FAM3C: variants seen among roughly 807,000 people sequenced by gnomAD.
FAM3C encodes the protein FAM3 metabolism regulating signaling molecule C.
FAM3C carries 15 observed loss-of-function variants against 32.5 expected under a neutral mutation model. The ratio of observed to expected loss-of-function variants is 0.46; its 90% CI spans 0.31 to 0.71. FAM3C has a LOEUF of 0.71. Ranked by LOEUF, FAM3C falls within the 30% of genes least tolerant of loss-of-function variation. The pLI, the probability that FAM3C is intolerant of heterozygous loss-of-function variation, is 0.05. For synonymous variants in FAM3C, 75 were observed against 86.1 expected (o/e 0.87, Z 0.72); for missense variants, 175 against 274.4 (o/e 0.64, Z 2.56).
At chr7:121,374,576 A>G (rs1404468750) in intron 3 of FAM3C, among the ~76,000 whole-genome samples, 1 of 152,200 alleles carries the variant, frequency 6.6e-6, no homozygotes, top group Admixed American at 6.5e-5. Flanking sequence ...CCTTTCATAT[A>G]CTAAGATGTT....
At chr7:121,351,109 G>A (rs1239649856) in intron 9 of FAM3C, 34 bp downstream of exon 9, 1 of 1,590,082 alleles carries the variant, frequency 6.3e-7, no homozygotes, top group Non-Finnish European at 8.6e-7. Context: ...CACAGAATTT[G>A]TTTTTGTTAA....
intron 8 of FAM3C, among the ~76,000 whole-genome samples, chr7:121,354,566 C>A (rs1310079422): frequency 6.6e-6 from 1 of 152,104 alleles, no homozygotes; most frequent in Admixed American, 6.6e-5. Flanking sequence ...CACCATCAAA[C>A]CAAGCCAATG....
chr7:121,373,128 G>T (rs1023907754), intron 3 of FAM3C, among the ~76,000 whole-genome samples: 82 of 152,066 alleles, frequency 5.4e-4, no homozygotes, highest in African/African-American at 1.6e-3. Context: ...ACTTTACTGG[G>T]ATATAATTTT....
At chr7:121,372,253 A>G in intron 3 of FAM3C, 114 bp from the exon 4 acceptor site, 1 of 637,860 alleles carries the variant, frequency 1.6e-6, no homozygotes, top group South Asian at 2.2e-5. Flanking sequence ...TCAGTATACA[A>G]TAAAACATGA....
chr7:121,386,050 C>A (rs757085050), intron 1 of FAM3C, among the ~76,000 whole-genome samples: 2 of 152,176 alleles, frequency 1.3e-5, no homozygotes, highest in Non-Finnish European at 2.9e-5. Flanking sequence ...TCATGCCAAT[C>A]AACTTGGCTT....
intron 8 of FAM3C, among the ~76,000 whole-genome samples, chr7:121,358,547 T>C (rs1793856560): frequency 1.3e-5 from 2 of 151,946 alleles, no homozygotes; most frequent in African/African-American, 2.4e-5. Flanking sequence ...ATAATTGAAA[T>C]AGTGTCTTTT....
At chr7:121,362,070 G>A (rs1202518967) in intron 7 of FAM3C, among the ~76,000 whole-genome samples, 2 of 152,170 alleles carry the variant, frequency 1.3e-5, no homozygotes, top group African/African-American at 2.4e-5. Flanking sequence ...ATAGCTGTTG[G>A]CTTCTAGGGA....
At chr7:121,378,144 A>G (rs563706760) in intron 3 of FAM3C, among the ~76,000 whole-genome samples, 2 of 152,378 alleles carry the variant, frequency 1.3e-5, no homozygotes, top group African/African-American at 2.4e-5. Context: ...AGCACTATGT[A>G]TAACTGGTTC....
At chr7:121,352,086 G>C (rs745478464) in intron 8 of FAM3C, among the ~76,000 whole-genome samples, 2 of 152,144 alleles carry the variant, frequency 1.3e-5, no homozygotes, top group Admixed American at 6.5e-5. Context: ...TATATACTGC[G>C]CAAAAGACAG....
At position 121,350,426 on chromosome 7, in the gene FAM3C, A is replaced by G; in HGVS notation, c.*35T>C. 1.2e-6 allele frequency: 2 copies of G among 1,610,264 alleles called. No individual in the cohort carries two copies. The highest frequency in any genetic ancestry group is 1.7e-6 in the Non-Finnish European group (2 of 1,178,736). On this transcript the variant is annotated 3_prime_UTR_variant, in exon 10 of 10. Transcript: ENST00000359943. ...ATTTATAGCTCTCCCATTAAGAGTG[A>G]AAGTGCGCTTTCTTCAATTCTCTCC... is the stretch of plus-strand genomic sequence containing the variant.
chr7:121,351,469 T>C, intron 8 of FAM3C, 200 bp from the exon 9 acceptor site: 3 of 495,508 alleles, frequency 6.1e-6, no homozygotes. Flanking sequence ...CAACAATTAA[T>C]TTTAAGTTTA....
intron 2 of FAM3C, among the ~76,000 whole-genome samples, 153 bp from the exon 3 acceptor site, chr7:121,379,167 TACAA>T (rs1794300614): frequency 6.6e-6 from 1 of 152,172 alleles, no homozygotes; most frequent in African/African-American, 2.4e-5. Flanking sequence ...ATAAAAATTA[TACAA>T]ACAATTCATC....
At chr7:121,391,061 A>G (rs1200267769) in intron 1 of FAM3C, among the ~76,000 whole-genome samples, 1 of 152,154 alleles carries the variant, frequency 6.6e-6, no homozygotes. Flanking sequence ...GTTAAACCAG[A>G]GTACTAGATT....
At chr7:121,389,648 A>T (rs1794537306) in intron 1 of FAM3C, among the ~76,000 whole-genome samples, 1 of 152,012 alleles carries the variant, frequency 6.6e-6, no homozygotes, top group South Asian at 2.1e-4. Flanking sequence ...TACCCCAAAT[A>T]TTGCCATTAC....
intron 7 of FAM3C, among the ~76,000 whole-genome samples, chr7:121,361,461 TA>T (rs2116889378): frequency 6.6e-6 from 1 of 152,324 alleles, no homozygotes; most frequent in East Asian, 1.9e-4. Flanking sequence ...TAGCGGTAAT[TA>T]ATCTACCTGT....
chr7:121,386,766 A>G (rs1332267680), intron 1 of FAM3C, among the ~76,000 whole-genome samples: 1 of 151,702 alleles, frequency 6.6e-6, no homozygotes. Context: ...CCCCTCAAGA[A>G]CAGAATGTAA....
Position 121,351,284 on chromosome 7 carries a change from G to A in FAM3C, c.468-15C>T, listed in dbSNP as rs758531201. 6.2e-7 allele frequency: 1 copy of A among 1,611,694 alleles called. No individual in the cohort carries two copies. Among genetic ancestry groups the A allele is most frequent in the Non-Finnish European group, 8.5e-7 (1 of 1,178,672 alleles). ...CATCATTGAGTCTTGAAGAGGGAGAGAAAGAATACAACAATAAACAGAGGG... is the reference window on the plus strand; with the variant it reads ...CATCATTGAGTCTTGAAGAGGGAGAAAAAGAATACAACAATAAACAGAGGG... On this transcript the variant is annotated splice_polypyrimidine_tract_variant and intron_variant, in intron 8 of 9. Coordinates refer to ENST00000359943, the MANE Select transcript of FAM3C (RefSeq NM_014888.3).
chr7:121,386,927 T>C (rs1006057048), intron 1 of FAM3C, among the ~76,000 whole-genome samples: 1 of 151,890 alleles, frequency 6.6e-6, no homozygotes, highest in Non-Finnish European at 1.5e-5. Flanking sequence ...TTTTAAAAAA[T>C]ACTGTGTTTG....
At chr7:121,377,163 C>T (rs1282639474) in intron 3 of FAM3C, among the ~76,000 whole-genome samples, 1 of 151,994 alleles carries the variant, frequency 6.6e-6, no homozygotes, top group Non-Finnish European at 1.5e-5. Flanking sequence ...GGGACTTTCC[C>T]CTCGCTTCAC....
Sources: allele counts gnomAD v4.1 joint callset (sites outside exome capture counted in the v4.1 genomes callset), GRCh38; gene constraint gnomAD v4.1.1; transcripts MANE v1.5; gene names NCBI Gene and HGNC (gene_info 2026-07-23, HGNC 2026-07-21).